The following CADM2 variants were observed in gnomAD, a reference collection of about 807,000 sequenced individuals.
CADM2 encodes immunoglobulin superfamily member 4D.
A neutral mutation model predicts 49.8 loss-of-function variants in CADM2; 12 were observed. The observed-to-expected ratio is 0.24, with a 90% CI of 0.15 to 0.39. The LOEUF (loss-of-function observed/expected upper bound fraction) is 0.39. CADM2 is among the 10% of genes least tolerant of loss of function. CADM2 has a pLI of 1.00. For synonymous variants in CADM2, 214 were observed against 175.4 expected (o/e 1.22, Z -1.74); for missense variants, 378 against 492.3 (o/e 0.77, Z 2.20).
chr3:85,876,793 C>T (rs1577539755), intron 3 of CADM2, among the ~76,000 whole-genome samples: 2 of 152,192 alleles, frequency 1.3e-5, no homozygotes, highest in East Asian at 1.9e-4. Context: ...TTCAACAGTG[C>T]TATTCTTATT....
At chr3:85,270,592 T>G (rs1239488126) in intron 1 of CADM2, among the ~76,000 whole-genome samples, 1 of 151,186 alleles carries the variant, frequency 6.6e-6, no homozygotes, top group Non-Finnish European at 1.5e-5. Flanking sequence ...CATCAACAGT[T>G]CAAATCTGTG....
chr3:85,776,336 TACACAC>T (rs141105558), intron 2 of CADM2, among the ~76,000 whole-genome samples: 213 of 146,254 alleles, frequency 1.5e-3, no homozygotes, highest in African/African-American at 4.8e-3. Flanking sequence ...CAAACTCTCT[TACACAC>T]ACACACACAC....
chr3:85,608,120 C>G (rs976132179), intron 1 of CADM2, among the ~76,000 whole-genome samples: 1 of 152,030 alleles, frequency 6.6e-6, no homozygotes, highest in Non-Finnish European at 1.5e-5. Flanking sequence ...TATTTTCAAA[C>G]CGTGTGGGCA....
chr3:85,882,479 C>T (rs566065280), intron 3 of CADM2, among the ~76,000 whole-genome samples: 10 of 152,200 alleles, frequency 6.6e-5, no homozygotes, highest in East Asian at 5.8e-4. Context: ...GGATTTTCCT[C>T]GGGTGCTGGT....
At chr3:85,325,571 G>A (rs2044728738) in intron 1 of CADM2, among the ~76,000 whole-genome samples, 1 of 151,326 alleles carries the variant, frequency 6.6e-6, no homozygotes, top group Non-Finnish European at 1.5e-5. Context: ...TTAGCCAGGC[G>A]CCCAGCTACT....
chr3:85,292,129 G>C (rs2043817329), intron 1 of CADM2, among the ~76,000 whole-genome samples: 1 of 147,238 alleles, frequency 6.8e-6, no homozygotes, highest in Non-Finnish European at 1.5e-5. Flanking sequence ...AAAAGGCAGG[G>C]GTTGCAATCC....
At chr3:85,339,644 A>T (rs2045187710) in intron 1 of CADM2, among the ~76,000 whole-genome samples, 1 of 151,290 alleles carries the variant, frequency 6.6e-6, no homozygotes, top group Admixed American at 6.6e-5. Context: ...GGAATGACTG[A>T]GTTTCCAAAA....
intron 1 of CADM2, among the ~76,000 whole-genome samples, chr3:85,561,898 C>A (rs1394333432): frequency 6.6e-6 from 1 of 152,004 alleles, no homozygotes; most frequent in African/African-American, 2.4e-5. Flanking sequence ...AGAAGTGGCA[C>A]TTTTCGATAA....
At chr3:86,018,055 G>C (rs1450005421) in intron 8 of CADM2, among the ~76,000 whole-genome samples, 1 of 115,760 alleles carries the variant, frequency 8.6e-6, no homozygotes, top group Non-Finnish European at 1.7e-5. Flanking sequence ...AGTCCCCAGA[G>C]TGTGATATTC....
At chr3:85,383,581 T>A (rs1196296956) in intron 1 of CADM2, among the ~76,000 whole-genome samples, 2 of 147,956 alleles carry the variant, frequency 1.4e-5, no homozygotes, top group Non-Finnish European at 3.0e-5. Context: ...TCCAGTTAAA[T>A]AACTGACCAC....
At chr3:85,405,013 A>G (rs2035303634) in intron 1 of CADM2, among the ~76,000 whole-genome samples, 1 of 152,188 alleles carries the variant, frequency 6.6e-6, no homozygotes, top group Non-Finnish European at 1.5e-5. Context: ...TGACAAGTTA[A>G]TAGAAAGCAG....
chr3:85,638,402 G>A (rs9860249), intron 1 of CADM2, among the ~76,000 whole-genome samples: 107,324 of 151,854 alleles, frequency 0.71, 37,984 homozygotes, highest in East Asian at 0.8. Context: ...AACTACAGCT[G>A]TGAAAATATT....
intron 5 of CADM2, among the ~76,000 whole-genome samples, chr3:85,903,821 C>G (rs1034160841): frequency 1.3e-5 from 2 of 152,090 alleles, no homozygotes; most frequent in African/African-American, 4.8e-5. Context: ...GCTGGTTGCC[C>G]TACTGTTTTC....
intron 1 of CADM2, among the ~76,000 whole-genome samples, chr3:85,080,379 G>T (rs186613357): frequency 6.4e-4 from 97 of 152,092 alleles, no homozygotes; most frequent in African/African-American, 2.2e-3. Context: ...ATGTCAGGAA[G>T]ATTTAAATGC....
intron 1 of CADM2, among the ~76,000 whole-genome samples, chr3:85,255,927 T>C (rs1428045350): frequency 6.6e-6 from 1 of 152,112 alleles, no homozygotes; most frequent in Non-Finnish European, 1.5e-5. Flanking sequence ...ATGTAATAGA[T>C]ATTTTGAAAA....
intron 1 of CADM2, among the ~76,000 whole-genome samples, chr3:85,710,056 CT>C (rs2067071443): frequency 6.6e-6 from 1 of 152,142 alleles, no homozygotes; most frequent in Admixed American, 6.5e-5. Flanking sequence ...GCCCATTCCT[CT>C]TTTACTACAT....
rs73147120 is a variant in CADM2, at chr3:85,845,333, C to T, written c.239-37958C>T. On this transcript the variant is annotated intron_variant, in intron 3 of 9. Transcript: ENST00000383699. ...ACAGGCTGATAGGCTGGGCCAGATT[C>T]AGTCAGGAGTCAGATGACCAACTCA... 6.2e-3 allele frequency among the ~76,000 whole-genome samples: 944 copies of T among 152,150 alleles called. 3 individuals carry two copies. Among genetic ancestry groups the T allele is most frequent in the Non-Finnish European group, 0.01 (681 of 68,000 alleles).
chr3:85,987,611 AATT>A (rs1434157948), intron 8 of CADM2, among the ~76,000 whole-genome samples: 6 of 147,004 alleles, frequency 4.1e-5, no homozygotes, highest in Admixed American at 2.1e-4. Context: ...AATAAATTAT[AATT>A]ATTATAATTA....
intron 1 of CADM2, among the ~76,000 whole-genome samples, chr3:85,263,972 T>A (rs2043067513): frequency 6.6e-6 from 1 of 152,100 alleles, no homozygotes; most frequent in African/African-American, 2.4e-5. Context: ...GCTTCTGACT[T>A]TTTATTTTTC....
Sources: allele counts gnomAD v4.1 joint callset (sites outside exome capture counted in the v4.1 genomes callset), GRCh38; gene constraint gnomAD v4.1.1; transcripts MANE v1.5; gene names NCBI Gene and HGNC (gene_info 2026-07-23, HGNC 2026-07-21).